The following PLEKHM1 variants were observed in gnomAD, a reference collection of about 807,000 sequenced individuals.
PLEKHM1 encodes pleckstrin homology and RUN domain containing M1.
Under a neutral mutation model 94.3 loss-of-function variants are expected in PLEKHM1, and 28 were observed. That is an observed-to-expected ratio of 0.30 (90% CI 0.22 to 0.41). PLEKHM1 has a LOEUF of 0.41. Among genes scored for constraint, PLEKHM1 ranks in the 10% least tolerant of loss-of-function variants. The pLI, the probability that PLEKHM1 is intolerant of heterozygous loss-of-function variation, is 1.00. For synonymous variants in PLEKHM1, 424 were observed against 581.2 expected, an observed-to-expected ratio of 0.73 and a Z score of 3.89; for missense variants, 907 against 1,358.6, an observed-to-expected ratio of 0.67 and a Z score of 5.22.
Position 45,437,632 on chromosome 17 carries a change from G to T in PLEKHM1, c.*226C>A. On this transcript the variant is annotated 3_prime_UTR_variant, in exon 12 of 12. Coordinates refer to ENST00000430334, the MANE Select transcript of PLEKHM1 (RefSeq NM_014798.3). This position sits in a 1 kb window ranked among gnomAD's most constrained non-coding sequence, Gnocchi z 4.0. ...CTGCCCCAGACAGGGAGCATCTGGT[G>T]GTGGCCACGCCTCCTGCAGCAGAGG... 1 of 677,870 alleles carries T rather than the reference G, an allele frequency of 1.5e-6. No individual in the cohort carries two copies. The highest frequency in any genetic ancestry group is 2.7e-6 in the Non-Finnish European group (1 of 370,704). 42.0% of individuals were successfully genotyped at this position (677,870 alleles called of 1,614,324 possible). A position where few individuals can be genotyped will look rare whatever the true frequency, so the allele number is the denominator to read the frequency against.
At chr17:45,434,967 CAAAAAAAA>C (rs11369025), downstream of PLEKHM1, among the ~76,000 whole-genome samples, 3 of 98,132 alleles carry the variant, frequency 3.1e-5, no homozygotes, top group East Asian at 1.0e-3. Context: ...AGACTGTATC[CAAAAAAAA>C]AAAAAAAAAA....
At chr17:45,439,662 T>C in intron 10 of PLEKHM1, 28 bp from the exon 11 acceptor site, 1 of 1,611,932 alleles carries the variant, frequency 6.2e-7, no homozygotes, top group Non-Finnish European at 8.5e-7. Flanking sequence ...GAATCCTTCA[T>C]ACACCCCGTC....
rs2050305607 is a variant in PLEKHM1, at chr17:45,437,597, A to T, written c.*261T>A. 1 of 644,778 alleles carries T rather than the reference A, an allele frequency of 1.6e-6. No individual in the cohort carries two copies. The highest frequency in any genetic ancestry group is 1.8e-5 in the African/African-American group (1 of 55,044). 39.9% of individuals were successfully genotyped at this position (644,778 alleles called of 1,614,324 possible). ...TGGTGAGCCAGGGCCTGGTGAGTAAACGGCCCTGCCTGCCCCAGACAGGGA... is the reference window on the plus strand; with the variant it reads ...TGGTGAGCCAGGGCCTGGTGAGTAATCGGCCCTGCCTGCCCCAGACAGGGA... On this transcript the variant is annotated 3_prime_UTR_variant, in exon 12 of 12. Transcript: ENST00000430334. This position sits in a 1 kb window ranked among gnomAD's most constrained non-coding sequence, Gnocchi z 4.0.
Position 45,458,413 on chromosome 17 carries a change from A to T in PLEKHM1, c.1335T>A (p.Asp445Glu). 1 of 1,613,686 alleles carries T rather than the reference A, an allele frequency of 6.2e-7. No homozygotes were observed. The highest frequency in any genetic ancestry group is 8.5e-7 in the Non-Finnish European group (1 of 1,179,582). ...GCTCCCGGGAAGGCCGGTAGAAGTC[A>T]TCCTCTGAGATCCAGCTCTTGTTTT... ...SPKNKSWISEDDFYRPSREQP... is the reference protein window; with the variant it reads ...SPKNKSWISEEDFYRPSREQP... Residue 445 changes from aspartate (D) to glutamate (E), a missense_variant, in exon 6 of 12, where the codon GAT (aspartate) becomes GAA (glutamate). Transcript: ENST00000430334.
chr17:45,453,416 C>A lies in PLEKHM1; in HGVS notation c.2436G>T (p.Leu812=), dbSNP rs373587199. Residue 812 remains leucine, a synonymous_variant, in exon 7 of 12, where the codon CTG becomes CTT. Transcript: ENST00000430334. The surrounding 1 kb of genome is among the most constrained non-coding windows in gnomAD (Gnocchi z 4.1). The part of the protein sequence containing the change: ...KFATRENGFL[L]QYLVAIPMEK... ...CCATGGGGATAGCCACCAGGTACTGCAGCAGGAAGCCATTCTCCCGGGTGG... is the reference window on the plus strand; with the variant it reads ...CCATGGGGATAGCCACCAGGTACTGAAGCAGGAAGCCATTCTCCCGGGTGG... 6.2e-7 allele frequency: 1 copy of A among 1,613,756 alleles called. No individual in the cohort carries two copies. Among genetic ancestry groups the A allele is most frequent in the Non-Finnish European group, 8.5e-7 (1 of 1,179,776 alleles).
chr17:45,473,427 T>C (rs1283304615), intron 4 of PLEKHM1, among the ~76,000 whole-genome samples: 1 of 151,868 alleles, frequency 6.6e-6, no homozygotes, highest in Non-Finnish European at 1.5e-5. Context: ...CCCGTCTCTA[T>C]AAAAAATAAA....
At chr17:45,443,273 C>G (rs1467543089) in intron 9 of PLEKHM1, among the ~76,000 whole-genome samples, 1 of 151,874 alleles carries the variant, frequency 6.6e-6, no homozygotes, top group Non-Finnish European at 1.5e-5. Flanking sequence ...TGACCCAGGG[C>G]CATCTGTGGC....
At chr17:45,440,523 AGCT>A in intron 9 of PLEKHM1, 1 of 574,282 alleles carries the variant, frequency 1.7e-6, no homozygotes, top group Non-Finnish European at 3.1e-6. Flanking sequence ...CTTGGTGCCA[AGCT>A]CACAGTAAAC....
intron 5 of PLEKHM1, among the ~76,000 whole-genome samples, chr17:45,467,922 T>A (rs2051368405): frequency 6.6e-6 from 1 of 152,290 alleles, no homozygotes; most frequent in African/African-American, 2.4e-5. Flanking sequence ...AAGAACAACC[T>A]TCACAAAGTG....
intron 5 of PLEKHM1, among the ~76,000 whole-genome samples, chr17:45,461,077 C>T (rs1325799028): frequency 1.3e-5 from 2 of 152,004 alleles, no homozygotes; most frequent in Non-Finnish European, 2.9e-5. Context: ...TTAGTAGAGA[C>T]GGTGTTTCAC....
chr17:45,458,719 C>T (rs1235667604), intron 5 of PLEKHM1, among the ~76,000 whole-genome samples: 2 of 151,396 alleles, frequency 1.3e-5, no homozygotes, highest in Non-Finnish European at 2.9e-5. Context: ...GAGCCACCCA[C>T]CTCGGCCTCC....
At chr17:45,474,540 TTA>T (rs2051643509) in intron 4 of PLEKHM1, among the ~76,000 whole-genome samples, 1 of 152,220 alleles carries the variant, frequency 6.6e-6, no homozygotes, top group Non-Finnish European at 1.5e-5. Context: ...CTCTTATGCG[TTA>T]TGTTTCATCT....
At chr17:45,473,881 T>C (rs920565821) in intron 4 of PLEKHM1, among the ~76,000 whole-genome samples, 1 of 151,726 alleles carries the variant, frequency 6.6e-6, no homozygotes, top group Non-Finnish European at 1.5e-5. Context: ...CTGGTATTTG[T>C]TGTAGATGCA....
chr17:45,457,638 T>A (rs991929270), intron 6 of PLEKHM1, among the ~76,000 whole-genome samples: 1 of 151,522 alleles, frequency 6.6e-6, no homozygotes, highest in African/African-American at 2.4e-5. Flanking sequence ...GACAGGAGAA[T>A]TGCTTGAACC....
rs144949526 is a variant in PLEKHM1 at position 45,451,975 on chromosome 17, G to A, written c.2498-1212C>T. ...TCTGCCTAGCTTCTCCCATCCTCGCGGGGCCAACCGCAGACCAATTCCTTT... is the reference window on the plus strand; with the variant it reads ...TCTGCCTAGCTTCTCCCATCCTCGCAGGGCCAACCGCAGACCAATTCCTTT... On this transcript the variant is annotated intron_variant, in intron 7 of 11. Coordinates refer to ENST00000430334, the MANE Select transcript of PLEKHM1 (RefSeq NM_014798.3). Among the ~76,000 whole-genome samples, 736 of 152,322 alleles carry A rather than the reference G, an allele frequency of 4.8e-3. 6 individuals carry two copies. Among genetic ancestry groups the A allele is most frequent in the South Asian group, 0.018 (89 of 4,832 alleles).
At chr17:45,441,977 C>T (rs772469373) in intron 9 of PLEKHM1, among the ~76,000 whole-genome samples, 4 of 152,032 alleles carry the variant, frequency 2.6e-5, no homozygotes, top group Non-Finnish European at 2.9e-5. Flanking sequence ...CTGGAAGATC[C>T]GGGGGACATG....
chr17:45,435,861 C>G (rs548648182), downstream of PLEKHM1: 14 of 428,604 alleles, frequency 3.3e-5, no homozygotes, highest in East Asian at 7.1e-5. Context: ...TGGTCTCCCC[C>G]CTGGCCGTGG....
intron 9 of PLEKHM1, chr17:45,440,691 T>A (rs2050423024): frequency 4.5e-6 from 1 of 220,718 alleles, no homozygotes; most frequent in South Asian, 6.8e-5. Context: ...AACAGAGAGG[T>A]TAAATCACTT....
rs1017401663 is a variant in PLEKHM1, at chr17:45,475,473, T to C, written c.550A>G (p.Ile184Val). ...LSFELSYKSA[I>V]LNEWTLTPLA... ...GGGGTGAGCGTCCACTCATTTAAGATGGCAGACTTGTAGGAGAGTTCGAAG... is the reference window on the plus strand; with the variant it reads ...GGGGTGAGCGTCCACTCATTTAAGACGGCAGACTTGTAGGAGAGTTCGAAG... Residue 184 changes from isoleucine to valine, a missense_variant, in exon 4 of 12, where the codon ATC becomes GTC. Ile to Val is a conservative substitution (Grantham distance 29). Around this residue, in one of 3 missense-constraint regions of PLEKHM1, gnomAD observed 176 missense variants for 306.0 expected, o/e 0.58. Coordinates refer to ENST00000430334, the MANE Select transcript of PLEKHM1 (RefSeq NM_014798.3). 1.2e-6 allele frequency: 2 copies of C among 1,613,074 alleles called. No individual in the cohort carries two copies. Among genetic ancestry groups the C allele is most frequent in the African/African-American group, 1.3e-5 (1 of 75,020 alleles).
Sources: gnomAD v4.1 joint callset for allele counts (sites outside exome capture counted in the v4.1 genomes callset) on GRCh38, gnomAD v4.1.1 for gene constraint, gnomAD v4.1.1 regional missense constraint, Gnocchi (gnomAD v3.1) non-coding constraint, MANE v1.5 for transcripts, NCBI Gene and HGNC (gene_info 2026-07-23, HGNC 2026-07-21) for gene names.